The following PRKAR1B variants were observed in gnomAD, a reference collection of about 807,000 sequenced individuals.
PRKAR1B encodes protein kinase cAMP-dependent type I regulatory subunit beta, also known as cAMP-dependent protein kinase type I-beta regulatory subunit.
PRKAR1B carries 22 observed loss-of-function variants against 46.5 expected under a neutral mutation model. The ratio of observed to expected loss-of-function variants is 0.47; its 90% confidence interval spans 0.34 to 0.68. The LOEUF is 0.68. PRKAR1B is among the 30% of genes least tolerant of loss of function. The pLI is 0.01. For synonymous variants in PRKAR1B, 259 were observed against 217.7 expected (o/e 1.19, Z -1.67); for missense variants, 445 against 535.6 (o/e 0.83, Z 1.67).
intron 2 of PRKAR1B, among the ~76,000 whole-genome samples, chr7:695,148 C>G (rs1423051889): frequency 6.6e-6 from 1 of 152,146 alleles, no homozygotes; most frequent in African/African-American, 2.4e-5. Flanking sequence ...ACTGTCATGA[C>G]CAGACGACCG....
At chr7:592,572 G>A (rs1270359929) in intron 7 of PRKAR1B, among the ~76,000 whole-genome samples, 1 of 152,330 alleles carries the variant, frequency 6.6e-6, no homozygotes, top group African/African-American at 2.4e-5. Flanking sequence ...GCTGAGGGGC[G>A]GGGAGGGTCC....
At chr7:591,406 G>C (rs889485881) in intron 7 of PRKAR1B, among the ~76,000 whole-genome samples, 2 of 152,134 alleles carry the variant, frequency 1.3e-5, no homozygotes, top group Non-Finnish European at 2.9e-5. Context: ...CCCACGGCAC[G>C]GGGAGGGCGG....
chr7:551,729 A>C, intron 9 of PRKAR1B, among the ~76,000 whole-genome samples: 1 of 125,942 alleles, frequency 7.9e-6, no homozygotes, highest in African/African-American at 3.1e-5. Flanking sequence ...AGCCACTGCC[A>C]CCACCATGTC....
chr7:690,416 C>A (rs1360500803), intron 2 of PRKAR1B, among the ~76,000 whole-genome samples: 3 of 151,920 alleles, frequency 2.0e-5, no homozygotes, highest in Non-Finnish European at 4.4e-5. Flanking sequence ...ACGCCGCATC[C>A]CCACGTAACA....
chr7:583,676 A>C, intron 8 of PRKAR1B, among the ~76,000 whole-genome samples: 1 of 107,818 alleles, frequency 9.3e-6, no homozygotes, highest in African/African-American at 4.1e-5. Context: ...ACCCACACAC[A>C]ACCCACACGG....
intron 4 of PRKAR1B, among the ~76,000 whole-genome samples, chr7:648,181 C>G (rs980651463): frequency 6.6e-6 from 1 of 152,004 alleles, no homozygotes; most frequent in South Asian, 2.1e-4. Context: ...AACTACGTAC[C>G]TCTTCACTTG....
Position 727,222 on chromosome 7 carries a change from C to G in PRKAR1B, c.-35G>C, listed in dbSNP as rs900496106. Reference sequence around the variant, plus strand: ...GCTCGCGCCCCACCTGGACGACGCTCTGCGCGCGCTGCGCTGCTCCCTGCT... The same window carrying G: ...GCTCGCGCCCCACCTGGACGACGCTGTGCGCGCGCTGCGCTGCTCCCTGCT... On this transcript the variant is annotated 5_prime_UTR_variant, in exon 1 of 11. Transcript: ENST00000537384. The G allele has an allele frequency of 2.1e-4, 289 of 1,347,788 alleles. No individual in the cohort carries two copies. Among genetic ancestry groups the G allele is most frequent in the Non-Finnish European group, 2.7e-4 (282 of 1,049,660 alleles). 83.5% of individuals were successfully genotyped at this position (1,347,788 alleles called of 1,614,324 possible).
Position 593,922 on chromosome 7 carries a change from C to T in PRKAR1B, c.708+2224G>A, listed in dbSNP as rs1485255435. On this transcript the variant is annotated intron_variant, in intron 7 of 10. Coordinates refer to ENST00000537384, the MANE Select transcript of PRKAR1B (RefSeq NM_001164760.2). This position sits in a 1 kb window ranked among gnomAD's most constrained non-coding sequence, Gnocchi z 6.1. Reference sequence around the variant, plus strand: ...ACAGCCGCCCCAAAGACTGTGCGAACGCGCCATCCACAAAACACAAGAGCC... The same window carrying T: ...ACAGCCGCCCCAAAGACTGTGCGAATGCGCCATCCACAAAACACAAGAGCC... Among the ~76,000 whole-genome samples the T allele has an allele frequency of 2.6e-5, 4 of 152,170 alleles. No individual in the cohort carries two copies. The highest frequency in any genetic ancestry group is 6.5e-5 in the Admixed American group (1 of 15,286).
chr7:572,037 TCCTGGGG>T (rs544185534), intron 9 of PRKAR1B, among the ~76,000 whole-genome samples: 775 of 152,292 alleles, frequency 5.1e-3, no homozygotes, highest in Non-Finnish European at 9.0e-3. Flanking sequence ...CATTTAGAGC[TCCTGGGG>T]CCTGGGGCTG....
chr7:630,838 C>A (rs922775983), intron 4 of PRKAR1B, among the ~76,000 whole-genome samples: 3 of 152,206 alleles, frequency 2.0e-5, no homozygotes, highest in African/African-American at 4.8e-5. Context: ...AGCACCATCA[C>A]CCAGGTGGAG....
intron 4 of PRKAR1B, among the ~76,000 whole-genome samples, chr7:659,893 A>G (rs1785414930): frequency 6.6e-6 from 1 of 152,012 alleles, no homozygotes; most frequent in Non-Finnish European, 1.5e-5. Flanking sequence ...TTTTTATTAC[A>G]ATAAAAAAAT....
At chr7:591,083 G>A (rs748929445) in intron 7 of PRKAR1B, among the ~76,000 whole-genome samples, 7 of 152,276 alleles carry the variant, frequency 4.6e-5, no homozygotes, top group African/African-American at 1.7e-4. Context: ...GAATGCAAGC[G>A]TGTTTTGCCC....
intron 4 of PRKAR1B, among the ~76,000 whole-genome samples, chr7:647,338 C>T (rs1363191540): frequency 2.0e-5 from 3 of 152,288 alleles, no homozygotes; most frequent in East Asian, 1.9e-4. Context: ...GCCAGCATCA[C>T]CTGTGGCTGG....
chr7:701,458 A>G (rs1310406583), intron 2 of PRKAR1B, among the ~76,000 whole-genome samples: 6 of 152,178 alleles, frequency 3.9e-5, no homozygotes, highest in African/African-American at 9.7e-5. Context: ...ATTGGTACAG[A>G]AAAATATATT....
intron 4 of PRKAR1B, 90 bp from the exon 5 acceptor site, chr7:607,542 C>T (rs1208261444): frequency 8.1e-6 from 9 of 1,117,174 alleles, no homozygotes; most frequent in African/African-American, 1.5e-5. Context: ...TTGTGTAAAT[C>T]GCTTCACAGT....
chr7:569,238 C>T (rs776165688), intron 9 of PRKAR1B, among the ~76,000 whole-genome samples: 2 of 152,162 alleles, frequency 1.3e-5, no homozygotes, highest in African/African-American at 4.8e-5. Context: ...AAGCAGAAAC[C>T]CTGAGCGTGA....
At position 584,489 on chromosome 7, in the gene PRKAR1B, C is replaced by G. The variant is rs1406927116; in HGVS notation, c.769+19G>C. On this transcript the variant is annotated intron_variant, in intron 8 of 10. Transcript: ENST00000537384. ...CCAGATGTCGGGACACACAGCCGTGCAGGGGCGCAGCCACTGACCTAGGAT... is the reference window on the plus strand; with the variant it reads ...CCAGATGTCGGGACACACAGCCGTGGAGGGGCGCAGCCACTGACCTAGGAT... 1.9e-6 allele frequency: 3 copies of G among 1,612,178 alleles called. No individual in the cohort carries two copies. Among genetic ancestry groups the G allele is most frequent in the Middle Eastern group, 1.7e-4 (1 of 6,052 alleles).
In PRKAR1B at chr7:727,197, G is replaced by C. The variant is rs78581255; in HGVS notation, c.-23+13C>G. The C allele has an allele frequency of 7.4e-7, 1 of 1,346,210 alleles. No homozygotes were observed. The highest frequency in any genetic ancestry group is 3.4e-5 in the East Asian group (1 of 29,644). The allele number at this position is 1,346,210 out of a possible 1,614,324, so 83.4% of individuals were successfully genotyped here. A position where few individuals can be genotyped will look rare whatever the true frequency, so the allele number is the denominator to read the frequency against. ...TGGCCGTGGACCTGTGCGGCGCCGCGCTCGCGCCCCACCTGGACGACGCTC... is the reference window on the plus strand; with the variant it reads ...TGGCCGTGGACCTGTGCGGCGCCGCCCTCGCGCCCCACCTGGACGACGCTC... On this transcript the variant is annotated intron_variant, in intron 1 of 10. Coordinates refer to ENST00000537384, the MANE Select transcript of PRKAR1B (RefSeq NM_001164760.2).
intron 8 of PRKAR1B, among the ~76,000 whole-genome samples, chr7:582,020 ATTT>A (rs1583242094): frequency 6.6e-6 from 1 of 152,132 alleles, no homozygotes; most frequent in East Asian, 1.9e-4. Flanking sequence ...TGTCCAGCTA[ATTT>A]TTTATTTTGC....
Sources: allele counts gnomAD v4.1 joint callset (sites outside exome capture counted in the v4.1 genomes callset), GRCh38; gene constraint gnomAD v4.1.1; non-coding constraint Gnocchi (gnomAD v3.1); transcripts MANE v1.5; gene names NCBI Gene and HGNC (gene_info 2026-07-23, HGNC 2026-07-21).